The following ZBTB11 variants were observed in gnomAD, a reference collection of about 807,000 sequenced individuals.
ZBTB11 encodes the protein zinc finger and BTB domain containing 11, also known as zinc finger and BTB domain-containing protein 11.
ZBTB11 carries 68 observed loss-of-function variants against 113.1 expected under a neutral mutation model. The observed-to-expected ratio is 0.60, with a 90% CI of 0.49 to 0.74. The LOEUF (loss-of-function observed/expected upper bound fraction) is 0.74, where lower values mean the gene tolerates loss of function less well. Ranked by LOEUF, ZBTB11 falls within the 30% of genes least tolerant of loss-of-function variation. The pLI, the probability that ZBTB11 is intolerant of heterozygous loss-of-function variation, is 0.00. For synonymous variants in ZBTB11, 518 were observed against 452.6 expected, an observed-to-expected ratio of 1.14 and a Z score of -1.83; for missense variants, 1,104 against 1,279.4, an observed-to-expected ratio of 0.86 and a Z score of 2.09.
In ZBTB11 at chr3:101,651,685, TAAA is replaced by T. The variant is rs56200814; in HGVS notation, c.2645-5_2645-3del. The T allele has an allele frequency of 3.8e-3, 5,083 of 1,340,478 alleles. No individual in the cohort carries two copies. The highest frequency in any genetic ancestry group is 0.01 in the African/African-American group (635 of 61,050). 83.0% of individuals were successfully genotyped at this position (1,340,478 alleles called of 1,614,324 possible). A position where few individuals can be genotyped will look rare whatever the true frequency, so the allele number is the denominator to read the frequency against. ...TTAAGCACTCAAATGGCTTAACTCC[TAAA>T]AAAAAAAAAAAAAAAGCATGTGTAG... On this transcript the variant is annotated splice_region_variant and splice_polypyrimidine_tract_variant and intron_variant, in intron 10 of 10. Transcript: ENST00000312938.
chr3:101,651,376 C>G lies in ZBTB11; in HGVS notation c.2952G>C (p.Glu984Asp), dbSNP rs80262325. 6.2e-7 allele frequency: 1 copy of G among 1,613,998 alleles called. No homozygotes were observed. The highest frequency in any genetic ancestry group is 1.3e-5 in the African/African-American group (1 of 75,036). The change falls in exon 11 of 11, where the codon GAG becomes GAC. Residue 984 changes from glutamate to aspartate, a missense_variant. By Grantham distance (45) the Glu-to-Asp change is conservative. Transcript: ENST00000312938. ...EQESSGPQEL[E>D]TVVVTGETME... ...TAGTTTCTCCTGTCACTACCACAGT[C>G]TCAAGTTCTTGAGGACCACTGCTTT...
intron 5 of ZBTB11, 84 bp downstream of exon 5, chr3:101,664,454 C>A (rs948000794): frequency 1.5e-6 from 2 of 1,344,856 alleles, no homozygotes; most frequent in Non-Finnish European, 2.0e-6. Context: ...ACATAGAATA[C>A]AAGCGAAAAG....
intron 6 of ZBTB11, among the ~76,000 whole-genome samples, chr3:101,656,606 G>C (rs1936802739): frequency 6.6e-6 from 1 of 152,104 alleles, no homozygotes; most frequent in Non-Finnish European, 1.5e-5. Flanking sequence ...ACACCAACTA[G>C]AACAGTGCTT....
In ZBTB11 at chr3:101,659,991, C is replaced by T. The variant is rs1251787255; in HGVS notation, c.1838G>A (p.Arg613Gln). Residue 613 changes from arginine (R) to glutamine (Q), a missense_variant, in exon 6 of 11, where the codon CGA becomes CAA. Arg to Gln is a conservative substitution (Grantham distance 43). Around this residue, in one of 5 missense-constraint regions of ZBTB11, gnomAD observed 535 missense variants for 518.6 expected, o/e 1.03. Coordinates refer to ENST00000312938, the MANE Select transcript of ZBTB11 (RefSeq NM_014415.4). Reference sequence around the variant, plus strand: ...TCTGGTATGACGAATAAGATGTGCTCGCAAAGAGGCACTGTACTGAAACTG... The same window carrying T: ...TCTGGTATGACGAATAAGATGTGCTTGCAAAGAGGCACTGTACTGAAACTG... ...KKQFQYSASL[R>Q]AHLIRHTRKD... The T allele has an allele frequency of 5.0e-6, 8 of 1,613,900 alleles. No individual in the cohort carries two copies. Among genetic ancestry groups the T allele is most frequent in the Admixed American group, 1.7e-5 (1 of 59,992 alleles).
intron 3 of ZBTB11, among the ~76,000 whole-genome samples, chr3:101,668,348 C>T (rs757998775): frequency 1.3e-4 from 20 of 152,130 alleles, no homozygotes; most frequent in Non-Finnish European, 2.6e-4. Flanking sequence ...AAAAAAGCTA[C>T]AAGAAGCCTG....
intron 5 of ZBTB11, among the ~76,000 whole-genome samples, chr3:101,661,219 G>A (rs1016615041): frequency 1.5e-5 from 2 of 137,692 alleles, no homozygotes; most frequent in Non-Finnish European, 3.1e-5. Context: ...GGGATACAGA[G>A]CAAGACCCTG....
chr3:101,659,175 A>T (rs1936846834), intron 6 of ZBTB11, among the ~76,000 whole-genome samples: 1 of 152,198 alleles, frequency 6.6e-6, no homozygotes, highest in African/African-American at 2.4e-5. Flanking sequence ...TGGGAGATGG[A>T]GGCTGCAGTG....
At position 101,665,500 on chromosome 3, in the gene ZBTB11, T is replaced by C. The variant is rs144837624; in HGVS notation, c.1087A>G (p.Ile363Val). The stretch of plus-strand genomic sequence containing the variant: ...AATTCTCCATTTACCAGTAGTACAA[T>C]TTCACAATCCCCAAGTTCAGTAGGT... The part of the protein sequence containing the change: ...SLPTELGDCE[I>V]VLLVNGELPE... Residue 363 changes from isoleucine (I) to valine (V), a missense_variant, in exon 4 of 11, where the codon ATT becomes GTT. Physicochemically the swap from Ile to Val is conservative, Grantham distance 29. Coordinates refer to ENST00000312938, the MANE Select transcript of ZBTB11 (RefSeq NM_014415.4). The C allele has an allele frequency of 4.3e-6, 7 of 1,614,070 alleles. No individual in the cohort carries two copies. The highest frequency in any genetic ancestry group is 1.3e-5 in the African/African-American group (1 of 74,910).
At chr3:101,673,591 G>A (rs1374561679) in intron 1 of ZBTB11, among the ~76,000 whole-genome samples, 1 of 151,548 alleles carries the variant, frequency 6.6e-6, no homozygotes, top group African/African-American at 2.4e-5. Context: ...CCGGCTCACT[G>A]CAACCTCCGC....
At position 101,650,213 on chromosome 3, in the gene ZBTB11, C is replaced by T. The variant is rs1936675541; in HGVS notation, c.*953G>A. 6.6e-6 allele frequency: 1 copy of T among 152,142 alleles called. No individual in the cohort carries two copies. The highest frequency in any genetic ancestry group is 1.5e-5 in the Non-Finnish European group (1 of 68,010). 9.4% of individuals were successfully genotyped at this position (152,142 alleles called of 1,614,324 possible). Reference sequence around the variant, plus strand: ...AGAGCTGCTGTGAATGTCTATATTGCTATCTGATTTCTCAACTGCAGTTTT... The same window carrying T: ...AGAGCTGCTGTGAATGTCTATATTGTTATCTGATTTCTCAACTGCAGTTTT... On this transcript the variant is annotated 3_prime_UTR_variant, in exon 11 of 11. Transcript: ENST00000312938.
intron 6 of ZBTB11, 138 bp from the exon 7 acceptor site, chr3:101,656,386 G>A (rs1171307055): frequency 1.9e-6 from 1 of 521,214 alleles, no homozygotes; most frequent in African/African-American, 2.0e-5. Flanking sequence ...TAATGACAAA[G>A]TGAAAGTTGA....
Position 101,659,932 on chromosome 3 carries a change from T to C in ZBTB11, c.1897A>G (p.Thr633Ala), listed in dbSNP as rs1303346439. ...DAPSSSSSNSTSNEASGTSSE... is the reference protein window; with the variant it reads ...DAPSSSSSNSASNEASGTSSE... ...GATGTTCCCGATGCTTCATTAGACG[T>C]GGAATTGGACGAGGATGAAGAGGGT... is the stretch of plus-strand genomic sequence containing the variant. The change falls in exon 6 of 11, where the codon ACG (threonine) becomes GCG (alanine). Residue 633 changes from threonine to alanine, a missense_variant. By Grantham distance (58) the Thr-to-Ala change is moderately conservative. Around this residue, in one of 5 missense-constraint regions of ZBTB11, gnomAD observed 535 missense variants for 518.6 expected, o/e 1.03. Coordinates refer to ENST00000312938, the MANE Select transcript of ZBTB11 (RefSeq NM_014415.4). 2 of 1,614,010 alleles carry C rather than the reference T, an allele frequency of 1.2e-6. No homozygotes were observed. Among genetic ancestry groups the C allele is most frequent in the Non-Finnish European group, 1.7e-6 (2 of 1,180,030 alleles).
chr3:101,651,944 C>T (rs1465570378), intron 10 of ZBTB11, among the ~76,000 whole-genome samples: 2 of 152,102 alleles, frequency 1.3e-5, no homozygotes, highest in Non-Finnish European at 2.9e-5. Context: ...GCCTGACCAA[C>T]ATGGTGAAAC....
At chr3:101,664,407 C>T (rs1049307027) in intron 5 of ZBTB11, 131 bp downstream of exon 5, 27 of 873,608 alleles carry the variant, frequency 3.1e-5, no homozygotes, top group Non-Finnish European at 4.3e-5. Flanking sequence ...ATGACATGCA[C>T]ATTTAAATAA....
At chr3:101,659,424 G>A (rs542439206) in intron 6 of ZBTB11, among the ~76,000 whole-genome samples, 4 of 152,184 alleles carry the variant, frequency 2.6e-5, no homozygotes, top group African/African-American at 4.8e-5. Flanking sequence ...AGCTTAGGCA[G>A]GACTTTTACG....
Position 101,654,379 on chromosome 3 carries a change from AAC to A in ZBTB11, c.2309+323_2309+324del, listed in dbSNP as rs565454307. 5.7e-3 allele frequency among the ~76,000 whole-genome samples: 870 copies of A among 152,244 alleles called. 5 individuals carry two copies. The highest frequency in any genetic ancestry group is 0.02 in the Middle Eastern group (6 of 294). On this transcript the variant is annotated intron_variant, in intron 8 of 10. Coordinates refer to ENST00000312938, the MANE Select transcript of ZBTB11 (RefSeq NM_014415.4). ...GTTATATGAATTTTACCTCGATTGT[AAC>A]AGAGATTTTATTTTAGGAGGATCTG...
At chr3:101,654,422 G>T (rs554883094) in intron 8 of ZBTB11, among the ~76,000 whole-genome samples, 18 of 152,172 alleles carry the variant, frequency 1.2e-4, no homozygotes, top group South Asian at 6.2e-4. Flanking sequence ...TGAAGAAGAG[G>T]GGGGGAAAGA....
Position 101,665,446 on chromosome 3 carries a change from C to T in ZBTB11, c.1141G>A (p.Gly381Arg). The T allele has an allele frequency of 1.2e-6, 2 of 1,614,180 alleles. No individual in the cohort carries two copies. The highest frequency in any genetic ancestry group is 1.7e-6 in the Non-Finnish European group (2 of 1,180,026). The change falls in exon 4 of 11, where the codon GGA becomes AGA. Residue 381 changes from glycine (G) to arginine (R), a missense_variant. Physicochemically the swap from Gly to Arg is moderately radical, Grantham distance 125 (BLOSUM62 -2). This residue lies in a region of ZBTB11 where 535 missense variants were observed against 518.6 expected (regional missense o/e 1.03). Transcript: ENST00000312938. Reference protein sequence around the residue: ...LPEAEQNGEVGRQPEPQVSSE... With the variant: ...LPEAEQNGEVRRQPEPQVSSE... ...GAAACCTGGGGCTCAGGCTGTCGTCCTACCTCTCCATTCTGCTCAGCTTCT... is the reference window on the plus strand; with the variant it reads ...GAAACCTGGGGCTCAGGCTGTCGTCTTACCTCTCCATTCTGCTCAGCTTCT...
rs1490107694 is a variant in ZBTB11, at chr3:101,671,375, T to A, written c.547-14A>T. Reference sequence around the variant, plus strand: ...TTTGGTGTCAACCTGTCAAAATAAGTTTGAGAGCAAGAGTAACATATTACC... The same window carrying A: ...TTTGGTGTCAACCTGTCAAAATAAGATTGAGAGCAAGAGTAACATATTACC... On this transcript the variant is annotated splice_polypyrimidine_tract_variant and intron_variant, in intron 2 of 10. Coordinates refer to ENST00000312938, the MANE Select transcript of ZBTB11 (RefSeq NM_014415.4). 1.9e-6 allele frequency: 3 copies of A among 1,605,048 alleles called. No homozygotes were observed. Among genetic ancestry groups the A allele is most frequent in the Non-Finnish European group, 2.6e-6 (3 of 1,172,106 alleles).
Sources: gnomAD v4.1 joint callset for allele counts (sites outside exome capture counted in the v4.1 genomes callset) on GRCh38, gnomAD v4.1.1 for gene constraint, gnomAD v4.1.1 regional missense constraint, MANE v1.5 for transcripts, NCBI Gene and HGNC (gene_info 2026-07-23, HGNC 2026-07-21) for gene names.